The following CSMD1 variants were observed in gnomAD, a reference collection of about 807,000 sequenced individuals.
The protein encoded by CSMD1 is CUB and Sushi multiple domains 1, also known as CUB and sushi domain-containing protein 1.
Under a neutral mutation model 417.5 loss-of-function variants are expected in CSMD1, and 213 were observed. The observed-to-expected ratio is 0.51, with a 90% CI of 0.46 to 0.57. CSMD1 has a LOEUF of 0.57. Ranked by LOEUF, CSMD1 falls within the 20% of genes least tolerant of loss-of-function variation. The probability of loss-of-function intolerance (pLI) is 0.00; values close to 1 mark genes in which losing one functional copy is unlikely to be tolerated. For synonymous variants in CSMD1, 2,862 were observed against 1,736.8 expected, an observed-to-expected ratio of 1.65 and a Z score of -16.11; for missense variants, 6,923 against 4,529.7, an observed-to-expected ratio of 1.53 and a Z score of -15.17.
chr8:2,951,065 G>C (rs757323954), intron 66 of CSMD1, 49 bp downstream of exon 66: 1 of 1,565,120 alleles, frequency 6.4e-7, no homozygotes, highest in Non-Finnish European at 8.7e-7. Context: ...AAAGATAACA[G>C]GTCTATTTCT....
At chr8:4,804,034 T>G (rs1372439577) in intron 1 of CSMD1, among the ~76,000 whole-genome samples, 1 of 152,212 alleles carries the variant, frequency 6.6e-6, no homozygotes, top group Admixed American at 6.5e-5. Flanking sequence ...ATCTTTTAAA[T>G]GCCAACAAAA....
chr8:3,616,525 T>C (rs532812045), intron 8 of CSMD1, among the ~76,000 whole-genome samples, 185 bp downstream of exon 8: 2 of 152,260 alleles, frequency 1.3e-5, no homozygotes, highest in Admixed American at 1.3e-4. Flanking sequence ...TACAGAACTT[T>C]TAACAGATTA....
chr8:4,859,282 C>G (rs1801988479), intron 1 of CSMD1, among the ~76,000 whole-genome samples: 1 of 152,040 alleles, frequency 6.6e-6, no homozygotes, highest in Non-Finnish European at 1.5e-5. Flanking sequence ...GGATTAAAGA[C>G]TTAAACGTTA....
chr8:3,834,522 C>A (rs566360859), intron 5 of CSMD1, among the ~76,000 whole-genome samples: 14 of 152,320 alleles, frequency 9.2e-5, no homozygotes, highest in East Asian at 1.9e-4. Flanking sequence ...GGGGTAGAAG[C>A]TGCACTGTGC....
chr8:3,769,697 T>C (rs1798468976), intron 5 of CSMD1, among the ~76,000 whole-genome samples: 1 of 152,174 alleles, frequency 6.6e-6, no homozygotes, highest in African/African-American at 2.4e-5. Flanking sequence ...GTGAATTCTG[T>C]GAACTATTCC....
At chr8:3,101,729 C>T (rs1380137131) in intron 46 of CSMD1, among the ~76,000 whole-genome samples, 1 of 151,830 alleles carries the variant, frequency 6.6e-6, no homozygotes, top group Non-Finnish European at 1.5e-5. Context: ...CCGACCAATC[C>T]TGACTTTCAA....
chr8:2,979,887 C>T lies in CSMD1; in HGVS notation c.8378-1087G>A, dbSNP rs1805260457. The stretch of plus-strand genomic sequence containing the variant: ...GGGCAAATAATTTTTAAGGCATGTA[C>T]ATGCCCCTACAGGGCATGTATCTGC... On this transcript the variant is annotated intron_variant, in intron 54 of 69. Transcript: ENST00000635120. Among the ~76,000 whole-genome samples the T allele has an allele frequency of 2.0e-5, 3 of 152,190 alleles. No individual in the cohort carries two copies. In the South Asian group the frequency reaches 6.2e-4, roughly 32 times the overall value.
intron 1 of CSMD1, among the ~76,000 whole-genome samples, chr8:4,736,110 G>A (rs930326200): frequency 1.3e-5 from 2 of 152,192 alleles, no homozygotes; most frequent in East Asian, 1.9e-4. Context: ...TGTTTCTCAC[G>A]AGCTGTGAGG....
chr8:4,994,220 G>A, intron 1 of CSMD1, 112 bp downstream of exon 1: 3 of 895,842 alleles, frequency 3.3e-6, no homozygotes, highest in South Asian at 1.5e-5. Context: ...GAGCAGCGCC[G>A]GGCAGAGGCG....
chr8:3,674,647 G>C (rs1799278809), intron 7 of CSMD1, among the ~76,000 whole-genome samples: 1 of 152,154 alleles, frequency 6.6e-6, no homozygotes, highest in African/African-American at 2.4e-5. Context: ...ATAAAACTGA[G>C]TCAAAAAGGA....
rs1183283285 is a variant in CSMD1 at position 4,354,882 on chromosome 8, G to GTGTGTGTGTC, written c.415+65070_415+65071insGACACACACA. Among the ~76,000 whole-genome samples the GTGTGTGTGTC allele has an allele frequency of 3.5e-4, 51 of 147,100 alleles. 1 individual carries two copies. Among genetic ancestry groups the GTGTGTGTGTC allele is most frequent in the Middle Eastern group, 3.4e-3 (1 of 292 alleles). On this transcript the variant is annotated intron_variant, in intron 3 of 69. Transcript: ENST00000635120. ...GAAAATGTAGTGTGTGTGTGTGTGT[G>GTGTGTGTGTC]TGTGTGTGTGTGTGTGTGTGTGTGT...
chr8:4,850,382 C>CTTTTTTTTTT, intron 1 of CSMD1, among the ~76,000 whole-genome samples: 14 of 77,832 alleles, frequency 1.8e-4, no homozygotes, highest in African/African-American at 5.2e-4. Context: ...TCCAATTTAT[C>CTTTTTTTTTT]TTTTTTTTTT....
chr8:3,724,967 C>T (rs574854640), intron 6 of CSMD1, among the ~76,000 whole-genome samples: 6 of 152,284 alleles, frequency 3.9e-5, no homozygotes, highest in South Asian at 2.1e-4. Context: ...ACTATTTCAA[C>T]GCAACTAGCT....
intron 5 of CSMD1, among the ~76,000 whole-genome samples, chr8:3,849,814 T>C (rs73508766): frequency 1.5e-5 from 2 of 131,898 alleles, no homozygotes; most frequent in Non-Finnish European, 3.1e-5. Flanking sequence ...TATATCTTTT[T>C]TTGTTTGGTT....
chr8:4,484,741 G>C (rs563661191), intron 2 of CSMD1, among the ~76,000 whole-genome samples: 1 of 151,968 alleles, frequency 6.6e-6, no homozygotes, highest in Non-Finnish European at 1.5e-5. Flanking sequence ...AGGCAGAGAC[G>C]GGCGGATCAC....
intron 5 of CSMD1, among the ~76,000 whole-genome samples, chr8:3,889,101 G>A (rs554242645): frequency 2.6e-5 from 4 of 152,076 alleles, no homozygotes; most frequent in African/African-American, 9.6e-5. Flanking sequence ...TTCATTGGTT[G>A]CTGCAAGTTA....
intron 2 of CSMD1, among the ~76,000 whole-genome samples, chr8:4,491,651 A>T (rs935579009): frequency 6.6e-6 from 1 of 152,176 alleles, no homozygotes; most frequent in Non-Finnish European, 1.5e-5. Context: ...GCTCAACCTC[A>T]TGTCCTTAGA....
intron 39 of CSMD1, among the ~76,000 whole-genome samples, chr8:3,157,526 T>C (rs1294696083): frequency 6.6e-6 from 1 of 152,242 alleles, no homozygotes; most frequent in East Asian, 1.9e-4. Context: ...GAACTTGTTT[T>C]TTCTGAGGCT....
chr8:4,175,795 T>C (rs1409837414), intron 3 of CSMD1, among the ~76,000 whole-genome samples: 2 of 152,164 alleles, frequency 1.3e-5, no homozygotes, highest in African/African-American at 4.8e-5. Context: ...ATGATGATCA[T>C]GGCAATACAA....
Sources: allele counts gnomAD v4.1 joint callset (sites outside exome capture counted in the v4.1 genomes callset), GRCh38; gene constraint gnomAD v4.1.1; transcripts MANE v1.5; gene names NCBI Gene and HGNC (gene_info 2026-07-23, HGNC 2026-07-21).